The following ADAMTS19 variants were observed in gnomAD, a reference collection of about 807,000 sequenced individuals.
ADAMTS19 encodes ADAM metallopeptidase with thrombospondin type 1 motif 19.
A neutral mutation model predicts 153.3 loss-of-function variants in ADAMTS19; 93 were observed. The ratio of observed to expected loss-of-function variants is 0.61; its 90% CI spans 0.51 to 0.72. The LOEUF (loss-of-function observed/expected upper bound fraction) is 0.72, where lower values mean the gene tolerates loss of function less well. Ranked by LOEUF, ADAMTS19 falls within the 30% of genes least tolerant of loss-of-function variation. The probability of loss-of-function intolerance (pLI) is 0.00; values close to 1 mark genes in which losing one functional copy is unlikely to be tolerated. For missense variants in ADAMTS19, 1,482 were observed against 1,552.1 expected (o/e 0.95, Z 0.76); for synonymous variants, 600 against 556.6 (o/e 1.08, Z -1.10).
At chr5:129,662,797 G>T (rs1753868400) in intron 15 of ADAMTS19, among the ~76,000 whole-genome samples, 1 of 150,900 alleles carries the variant, frequency 6.6e-6, no homozygotes, top group African/African-American at 2.4e-5. Context: ...GCTTTTGACA[G>T]TTCACCAGCA....
At chr5:129,604,815 C>T (rs1750815863) in intron 8 of ADAMTS19, among the ~76,000 whole-genome samples, 1 of 151,862 alleles carries the variant, frequency 6.6e-6, no homozygotes, top group South Asian at 2.1e-4. Flanking sequence ...TGAAATGTAC[C>T]CAAGACCACA....
intron 18 of ADAMTS19, among the ~76,000 whole-genome samples, chr5:129,692,456 C>G (rs1407389211): frequency 6.6e-6 from 1 of 152,144 alleles, no homozygotes; most frequent in East Asian, 1.9e-4. Context: ...ACTTATCCTT[C>G]TTGACCTACC....
At chr5:129,482,734 T>C (rs1459672963) in intron 2 of ADAMTS19, among the ~76,000 whole-genome samples, 21 of 152,174 alleles carry the variant, frequency 1.4e-4, no homozygotes, top group Admixed American at 1.4e-3. Flanking sequence ...ATGATATCAC[T>C]CCATGACCAT....
rs1019021935 is a variant in ADAMTS19, at chr5:129,737,800, A to C, written c.*582A>C. 6.6e-6 allele frequency: 1 copy of C among 152,452 alleles called. No individual in the cohort carries two copies. The highest frequency in any genetic ancestry group is 2.4e-5 in the African/African-American group (1 of 41,422). The allele number at this position is 152,452 out of a possible 1,614,324, so 9.4% of individuals were successfully genotyped here. On this transcript the variant is annotated 3_prime_UTR_variant, in exon 23 of 23. Coordinates refer to ENST00000274487, the MANE Select transcript of ADAMTS19 (RefSeq NM_133638.6). ...CTGCTGTAATTATAACCTTATTTTG[A>C]TATGGAAAAGAAAAGTCAAAATAGA...
At chr5:129,660,011 G>A (rs1753752771) in intron 15 of ADAMTS19, among the ~76,000 whole-genome samples, 1 of 152,130 alleles carries the variant, frequency 6.6e-6, no homozygotes, top group Non-Finnish European at 1.5e-5. Context: ...TTAATACAAA[G>A]AACAGGGCAT....
intron 3 of ADAMTS19, among the ~76,000 whole-genome samples, chr5:129,520,979 G>A (rs1751780621): frequency 6.6e-6 from 1 of 152,054 alleles, no homozygotes; most frequent in African/African-American, 2.4e-5. Context: ...GGTCACTGTA[G>A]TGATATATTT....
chr5:129,478,945 A>T (rs980918848), intron 2 of ADAMTS19, among the ~76,000 whole-genome samples: 1 of 152,328 alleles, frequency 6.6e-6, no homozygotes, highest in South Asian at 2.1e-4. Context: ...GGACCAGAAT[A>T]TAATAGCCAC....
intron 19 of ADAMTS19, among the ~76,000 whole-genome samples, chr5:129,696,400 C>T (rs564178141): frequency 1.3e-5 from 2 of 151,984 alleles, no homozygotes; most frequent in East Asian, 1.9e-4. Context: ...GAAAGAAGAG[C>T]GAAACTACAT....
At chr5:129,464,723 T>A (rs971219001) in intron 2 of ADAMTS19, among the ~76,000 whole-genome samples, 4 of 152,184 alleles carry the variant, frequency 2.6e-5, no homozygotes, top group African/African-American at 9.6e-5. Flanking sequence ...CTCTTCAAAG[T>A]TTTTAATCTT....
At chr5:129,460,995 G>A in intron 1 of ADAMTS19, 107 bp from the exon 2 acceptor site, 6 of 1,242,198 alleles carry the variant, frequency 4.8e-6, no homozygotes, top group Non-Finnish European at 6.0e-6. Flanking sequence ...GGTCTCCATT[G>A]CATTCAACGC....
intron 7 of ADAMTS19, among the ~76,000 whole-genome samples, chr5:129,591,402 C>G (rs1370429219): frequency 2.0e-5 from 3 of 151,870 alleles, no homozygotes; most frequent in Non-Finnish European, 4.4e-5. Flanking sequence ...AAGCAATTCT[C>G]CTGCCTCAGC....
chr5:129,534,296 C>A (rs1216905275), intron 6 of ADAMTS19, among the ~76,000 whole-genome samples: 1 of 152,006 alleles, frequency 6.6e-6, no homozygotes, highest in Non-Finnish European at 1.5e-5. Flanking sequence ...GGGTAAACAC[C>A]TCTACGCAAA....
chr5:129,491,427 C>T (rs138143564), intron 2 of ADAMTS19, among the ~76,000 whole-genome samples: 18 of 152,170 alleles, frequency 1.2e-4, no homozygotes, highest in African/African-American at 4.3e-4. Flanking sequence ...GAAAAGCATT[C>T]TGTTATTGTT....
At chr5:129,517,859 T>G (rs1030733020) in intron 3 of ADAMTS19, among the ~76,000 whole-genome samples, 1 of 152,090 alleles carries the variant, frequency 6.6e-6, no homozygotes, top group Non-Finnish European at 1.5e-5. Context: ...TGTTGTCGTA[T>G]CTTCCTTGTT....
At chr5:129,492,506 A>AGTGTGTGTGTGT (rs148015134) in intron 2 of ADAMTS19, among the ~76,000 whole-genome samples, 8,498 of 146,348 alleles carry the variant, frequency 0.058, 318 homozygotes, top group African/African-American at 0.11. Flanking sequence ...ATTAAAGGTC[A>AGTGTGTGTGTGT]GTGTGTGTGT....
At chr5:129,503,454 C>A (rs1751167483) in intron 2 of ADAMTS19, among the ~76,000 whole-genome samples, 1 of 152,030 alleles carries the variant, frequency 6.6e-6, no homozygotes, top group Admixed American at 6.6e-5. Flanking sequence ...TAATTTATGC[C>A]AAGCCATATG....
chr5:129,488,856 G>A (rs932923180), intron 2 of ADAMTS19, among the ~76,000 whole-genome samples: 4 of 152,002 alleles, frequency 2.6e-5, no homozygotes, highest in Non-Finnish European at 5.9e-5. Context: ...ATAGGAACAT[G>A]CTAGTCCATA....
chr5:129,492,577 T>C (rs139296752), intron 2 of ADAMTS19, among the ~76,000 whole-genome samples: 260 of 151,332 alleles, frequency 1.7e-3, no homozygotes, highest in African/African-American at 6.0e-3. Context: ...GTGTATGTAA[T>C]GAAAATAGTG....
chr5:129,658,908 T>C (rs1413087458), intron 15 of ADAMTS19, among the ~76,000 whole-genome samples, 171 bp downstream of exon 15: 1 of 152,220 alleles, frequency 6.6e-6, no homozygotes, highest in Non-Finnish European at 1.5e-5. Flanking sequence ...CCAAAAATTC[T>C]AACAAGCCCA....
Sources: gnomAD v4.1 joint callset for allele counts (sites outside exome capture counted in the v4.1 genomes callset) on GRCh38, gnomAD v4.1.1 for gene constraint, MANE v1.5 for transcripts, NCBI Gene and HGNC (gene_info 2026-07-23, HGNC 2026-07-21) for gene names.